The following STK33 variants were observed in gnomAD, a reference collection of about 807,000 sequenced individuals.
STK33 encodes serine/threonine-protein kinase 33.
Under a neutral mutation model 58.0 loss-of-function variants are expected in STK33, and 52 were observed. The ratio of observed to expected loss-of-function variants is 0.90; its 90% confidence interval spans 0.72 to 1.13. The LOEUF is 1.13. Ranked by LOEUF, STK33 falls within the 50% of genes most tolerant of loss-of-function variation. The probability of loss-of-function intolerance (pLI) is 0.00; values close to 1 mark genes in which losing one functional copy is unlikely to be tolerated. For missense variants in STK33, 630 were observed against 604.2 expected (o/e 1.04, Z -0.45); for synonymous variants, 215 against 200.1 (o/e 1.07, Z -0.63).
At chr11:8,337,206 G>A in the STK33 span, among the ~76,000 whole-genome samples, 11 of 152,224 alleles carry the variant, frequency 7.2e-5, 1 homozygote, top group Admixed American at 7.2e-4. Context: ...GATGTTCAAA[G>A]GCAAATCTAA....
chr11:8,358,965 C>G, the STK33 span, among the ~76,000 whole-genome samples: 6 of 152,246 alleles, frequency 3.9e-5, no homozygotes, highest in Admixed American at 1.3e-4. Context: ...CTGTGCCTCC[C>G]GACAAGAAGC....
At chr11:8,396,022 G>A (rs1564842332) in intron 15 of STK33, among the ~76,000 whole-genome samples, 1 of 152,012 alleles carries the variant, frequency 6.6e-6, no homozygotes, top group Non-Finnish European at 1.5e-5. Context: ...CCTAACGCTG[G>A]CTACCCCGAA....
the STK33 span, among the ~76,000 whole-genome samples, chr11:8,364,905 T>G: frequency 6.6e-6 from 1 of 152,162 alleles, no homozygotes; most frequent in South Asian, 2.1e-4. Context: ...TTTCTCCACT[T>G]GGGTTCACCA....
chr11:8,338,994 C>G, the STK33 span, among the ~76,000 whole-genome samples: 1 of 152,250 alleles, frequency 6.6e-6, no homozygotes, highest in Non-Finnish European at 1.5e-5. Flanking sequence ...GACCTTAGGC[C>G]CCGGCATCAC....
intron 9 of STK33, 101 bp from the exon 10 acceptor site, chr11:8,454,933 G>C: frequency 8.3e-7 from 1 of 1,203,590 alleles, no homozygotes; most frequent in South Asian, 1.8e-5. Flanking sequence ...ATCCGCTGTT[G>C]AAAAATTTGA....
intron 6 of STK33, among the ~76,000 whole-genome samples, chr11:8,471,717 T>C (rs1360168699): frequency 2.6e-5 from 4 of 152,108 alleles, no homozygotes; most frequent in Non-Finnish European, 4.4e-5. Context: ...GTATATATAT[T>C]TGAAATATCC....
chr11:8,473,197 G>T lies in STK33; in HGVS notation c.305C>A (p.Pro102His). 6.2e-7 allele frequency: 1 copy of T among 1,612,992 alleles called. No homozygotes were observed. The highest frequency in any genetic ancestry group is 1.7e-4 in the Middle Eastern group (1 of 6,054). The change falls in exon 6 of 16, where the codon CCT becomes CAT. Residue 102 changes from proline to histidine, a missense_variant. Coordinates refer to ENST00000687296, the MANE Select transcript of STK33 (RefSeq NM_001352389.2). Reference sequence around the variant, plus strand: ...AGCTCCATTCTCAATCCTTATGTGAGGAACTTTTCCTTCTGTAAAGTTGCC... The same window carrying T: ...AGCTCCATTCTCAATCCTTATGTGATGAACTTTTCCTTCTGTAAAGTTGCC... ...GRGNFTEGKV[P>H]HIRIENGAAI...
At chr11:8,370,144 G>C in the STK33 span, among the ~76,000 whole-genome samples, 1 of 152,198 alleles carries the variant, frequency 6.6e-6, no homozygotes, top group Non-Finnish European at 1.5e-5. Context: ...GATTGCGGTA[G>C]AGCTAAGGGG....
intron 1 of STK33, among the ~76,000 whole-genome samples, chr11:8,591,621 G>A (rs1377977349): frequency 6.6e-6 from 1 of 152,094 alleles, no homozygotes; most frequent in Admixed American, 6.5e-5. Context: ...ACAGGAAACC[G>A]CAATGTCTCT....
At chr11:8,532,630 T>C (rs141657763) in intron 1 of STK33, among the ~76,000 whole-genome samples, 35 of 152,382 alleles carry the variant, frequency 2.3e-4, no homozygotes, top group African/African-American at 6.3e-4. Context: ...TGGCACAGGC[T>C]ATCTGCACTA....
At chr11:8,494,579 G>C (rs953952943) in intron 1 of STK33, among the ~76,000 whole-genome samples, 2 of 152,176 alleles carry the variant, frequency 1.3e-5, no homozygotes, top group African/African-American at 4.8e-5. Context: ...TTTCTTCACA[G>C]AATTGGAAAA....
In STK33 at chr11:8,502,463, C is replaced by T. The variant is rs907132503; in HGVS notation, c.-465-21849G>A. Reference sequence around the variant, plus strand: ...ATTAAAACTGGATCCCTTCCTTATACCATATACAAAAATCAACTCAAGATG... The same window carrying T: ...ATTAAAACTGGATCCCTTCCTTATATCATATACAAAAATCAACTCAAGATG... On this transcript the variant is annotated intron_variant, in intron 1 of 15. Coordinates refer to ENST00000687296, the MANE Select transcript of STK33 (RefSeq NM_001352389.2). Among the ~76,000 whole-genome samples, 6 of 152,232 alleles carry T rather than the reference C, an allele frequency of 3.9e-5. No individual in the cohort carries two copies. The South Asian group carries it at 1.0e-3, about 26-fold the overall frequency.
intron 14 of STK33, among the ~76,000 whole-genome samples, chr11:8,433,424 TCTTC>T (rs1287513632): frequency 1.3e-5 from 2 of 152,246 alleles, no homozygotes; most frequent in Non-Finnish European, 2.9e-5. Flanking sequence ...ATCTGTATTT[TCTTC>T]CTTATTTATC....
chr11:8,381,981 C>T, the STK33 span, among the ~76,000 whole-genome samples: 2 of 152,090 alleles, frequency 1.3e-5, no homozygotes, highest in Non-Finnish European at 2.9e-5. Context: ...CTGAGACCTC[C>T]TTCCCACCCA....
chr11:8,458,847 A>G (rs981043048), intron 8 of STK33, among the ~76,000 whole-genome samples: 1 of 152,224 alleles, frequency 6.6e-6, no homozygotes, highest in East Asian at 1.9e-4. Flanking sequence ...TTTTGTTCTT[A>G]TAAGCACTGT....
the STK33 span, among the ~76,000 whole-genome samples, chr11:8,342,761 CT>C: frequency 2.0e-5 from 3 of 152,214 alleles, no homozygotes; most frequent in African/African-American, 7.2e-5. Context: ...AGTAAGCATC[CT>C]TCTTCTAATG....
the STK33 span, among the ~76,000 whole-genome samples, chr11:8,371,964 T>C: frequency 1.8e-3 from 278 of 151,698 alleles, 1 homozygote; most frequent in Admixed American, 3.0e-3. Flanking sequence ...TAGCTCACTG[T>C]AGCCTTGACT....
chr11:8,478,430 A>C, intron 2 of STK33, among the ~76,000 whole-genome samples: 1 of 152,210 alleles, frequency 6.6e-6, no homozygotes. Context: ...GTCAGTACTT[A>C]ACTAATACAT....
At chr11:8,516,722 G>A (rs1952825111) in intron 1 of STK33, among the ~76,000 whole-genome samples, 1 of 152,236 alleles carries the variant, frequency 6.6e-6, no homozygotes, top group Non-Finnish European at 1.5e-5. Context: ...CACCCACGAA[G>A]CCTCACTCAC....
Sources: gnomAD v4.1 joint callset for allele counts (sites outside exome capture counted in the v4.1 genomes callset) on GRCh38, gnomAD v4.1.1 for gene constraint, MANE v1.5 for transcripts, NCBI Gene and HGNC (gene_info 2026-07-23, HGNC 2026-07-21) for gene names.